The following LGSN variants were observed in gnomAD, a reference collection of about 807,000 sequenced individuals.
LGSN encodes lengsin.
In LGSN, 21 loss-of-function variants were observed where a neutral mutation model predicts 19.5. That is an observed-to-expected ratio of 1.07 (90% CI 0.76 to 1.55). The LOEUF is 1.55. Ranked by LOEUF, LGSN falls within the 40% of genes most tolerant of loss-of-function variation. LGSN has a pLI of 0.00. For synonymous variants in LGSN, 257 were observed against 215.6 expected (o/e 1.19, Z -1.68); for missense variants, 673 against 608.5 (o/e 1.11, Z -1.12).
At chr6:63,345,692 T>A in the LGSN span, among the ~76,000 whole-genome samples, 1 of 152,198 alleles carries the variant, frequency 6.6e-6, no homozygotes. Flanking sequence ...ACCTTCTGCT[T>A]ACATCCCACT....
At chr6:63,482,165 T>C in the LGSN span, among the ~76,000 whole-genome samples, 7 of 152,134 alleles carry the variant, frequency 4.6e-5, no homozygotes, top group Admixed American at 4.6e-4. Flanking sequence ...TTTATTTAAA[T>C]GTATATTTTC....
the LGSN span, among the ~76,000 whole-genome samples, chr6:63,543,635 A>C: frequency 6.6e-6 from 1 of 152,228 alleles, no homozygotes; most frequent in African/African-American, 2.4e-5. Flanking sequence ...GTTGTGACCT[A>C]CACACTGTGC....
At chr6:63,475,314 CAAAAAAAAAA>C in the LGSN span, among the ~76,000 whole-genome samples, 9 of 99,304 alleles carry the variant, frequency 9.1e-5, no homozygotes, top group Non-Finnish European at 1.5e-4. Context: ...ATAGATCTGC[CAAAAAAAAAA>C]AAAAAAAAAA....
the LGSN span, among the ~76,000 whole-genome samples, chr6:63,406,479 A>C: frequency 0.083 from 11,954 of 143,222 alleles, 1,114 homozygotes; most frequent in African/African-American, 0.24. Flanking sequence ...TTGAAACCAA[A>C]GAGAACAAAG....
chr6:63,391,397 C>T, the LGSN span, among the ~76,000 whole-genome samples: 3 of 152,354 alleles, frequency 2.0e-5, no homozygotes, highest in African/African-American at 7.2e-5. Flanking sequence ...GCAGCTCTTA[C>T]ACTCAACAGC....
the LGSN span, among the ~76,000 whole-genome samples, chr6:63,435,732 G>T: frequency 1.3e-5 from 2 of 151,694 alleles, no homozygotes; most frequent in African/African-American, 4.8e-5. Context: ...AATTTAGTGG[G>T]TCGCACTCAG....
the LGSN span, among the ~76,000 whole-genome samples, chr6:63,520,964 T>C: frequency 8.5e-5 from 13 of 152,092 alleles, no homozygotes; most frequent in Admixed American, 3.9e-4. Flanking sequence ...ACCATCATCC[T>C]CAGCAAACTA....
the LGSN span, among the ~76,000 whole-genome samples, chr6:63,501,808 T>C: frequency 6.9e-4 from 105 of 152,340 alleles, no homozygotes; most frequent in Admixed American, 1.2e-3. Context: ...ATGTTCTTTC[T>C]TTTATAGAGA....
rs537146430 is a variant in LGSN, at chr6:63,296,257, C to A, written c.31-1212G>T. On this transcript the variant is annotated intron_variant, in intron 1 of 3. Transcript: ENST00000370657. The stretch of plus-strand genomic sequence containing the variant: ...CTTATTAGAAAATTGTGGTCTTTTT[C>A]ACTCCAAATAACCTTATATTTGGAT... 2.6e-5 allele frequency among the ~76,000 whole-genome samples: 4 copies of A among 151,946 alleles called. No homozygotes were observed. In the East Asian group the frequency reaches 5.8e-4, roughly 22 times the overall value.
the LGSN span, among the ~76,000 whole-genome samples, chr6:63,416,112 G>C: frequency 6.9e-6 from 1 of 144,182 alleles, no homozygotes; most frequent in Non-Finnish European, 1.5e-5. Flanking sequence ...CAAGGGAGAT[G>C]CTTTTTTTTT....
At chr6:63,487,904 G>T in the LGSN span, among the ~76,000 whole-genome samples, 1 of 151,424 alleles carries the variant, frequency 6.6e-6, no homozygotes, top group Non-Finnish European at 1.5e-5. Context: ...TGCTTGAACC[G>T]AAGAGATGGA....
the LGSN span, among the ~76,000 whole-genome samples, chr6:63,409,682 T>G: frequency 6.6e-6 from 1 of 152,216 alleles, no homozygotes; most frequent in Admixed American, 6.5e-5. Context: ...GCCTTGTGTT[T>G]TTATACAAAC....
the LGSN span, among the ~76,000 whole-genome samples, chr6:63,333,490 C>T: frequency 1.5e-4 from 20 of 136,788 alleles, no homozygotes; most frequent in East Asian, 1.9e-3. Context: ...AAAGAAGGAA[C>T]GAAAGAACAA....
the LGSN span, among the ~76,000 whole-genome samples, chr6:63,425,308 C>T: frequency 6.6e-6 from 1 of 152,156 alleles, no homozygotes; most frequent in East Asian, 1.9e-4. Context: ...CATGCAAAAA[C>T]CTGTACATGA....
the LGSN span, among the ~76,000 whole-genome samples, chr6:63,472,132 G>A: frequency 3.9e-5 from 6 of 151,986 alleles, no homozygotes; most frequent in African/African-American, 1.5e-4. Context: ...CTTTTTGATA[G>A]TGCACACACT....
the LGSN span, among the ~76,000 whole-genome samples, chr6:63,343,252 C>T: frequency 5.1e-4 from 77 of 152,164 alleles, 2 homozygotes; most frequent in East Asian, 0.012. Flanking sequence ...CGTTTTAACC[C>T]GAATCTCCAT....
At chr6:63,549,638 G>C in the LGSN span, 1 of 473,390 alleles carries the variant, frequency 2.1e-6, no homozygotes, top group Non-Finnish European at 3.7e-6. Flanking sequence ...TACAAAAATG[G>C]AATCCTGTCA....
chr6:63,345,904 A>C, the LGSN span, among the ~76,000 whole-genome samples: 4 of 152,240 alleles, frequency 2.6e-5, no homozygotes, highest in African/African-American at 9.6e-5. Flanking sequence ...CCTTTTCATA[A>C]ACTAAATTTT....
At chr6:63,412,709 G>GGGAAGGAA in the LGSN span, among the ~76,000 whole-genome samples, 355 of 65,190 alleles carry the variant, frequency 5.4e-3, 8 homozygotes, top group African/African-American at 0.026. Flanking sequence ...GAAAGAAAGA[G>GGGAAGGAA]GGAAGGAAGG....
Sources: allele counts gnomAD v4.1 joint callset (sites outside exome capture counted in the v4.1 genomes callset), GRCh38; gene constraint gnomAD v4.1.1; transcripts MANE v1.5; gene names NCBI Gene and HGNC (gene_info 2026-07-23, HGNC 2026-07-21).